CGRRF1: variants seen among roughly 807,000 people sequenced by gnomAD.
CGRRF1 encodes the protein cell growth regulator with RING finger domain protein 1.
A neutral mutation model predicts 37.2 loss-of-function variants in CGRRF1; 32 were observed. That is an observed-to-expected ratio of 0.86 (90% CI 0.65 to 1.16). CGRRF1 has a LOEUF of 1.16. Ranked by LOEUF, CGRRF1 falls within the 50% of genes most tolerant of loss-of-function variation. CGRRF1 has a pLI of 0.00. For synonymous variants in CGRRF1, 141 were observed against 140.3 expected (o/e 1.00, Z -0.04); for missense variants, 391 against 382.6 (o/e 1.02, Z -0.18).
intron 1 of CGRRF1, among the ~76,000 whole-genome samples, chr14:54,514,829 A>G (rs190640155): frequency 3.4e-4 from 52 of 152,334 alleles, no homozygotes; most frequent in Admixed American, 1.2e-3. Context: ...ATAATTTAAA[A>G]TAATTTCCCT....
intron 5 of CGRRF1, 77 bp from the exon 6 acceptor site, chr14:54,537,986 C>T: frequency 6.9e-7 from 1 of 1,455,118 alleles, no homozygotes; most frequent in Non-Finnish European, 9.1e-7. Context: ...AAATTTTAAG[C>T]CGCTTCTTAT....
Position 54,538,457 on chromosome 14 carries a change from A to G in CGRRF1, c.*74A>G. The G allele has an allele frequency of 9.2e-7, 1 of 1,084,964 alleles. No homozygotes were observed. Among genetic ancestry groups the G allele is most frequent in the Non-Finnish European group, 1.3e-6 (1 of 742,668 alleles). The allele number at this position is 1,084,964 out of a possible 1,614,324, so 67.2% of individuals were successfully genotyped here. On this transcript the variant is annotated 3_prime_UTR_variant, in exon 6 of 6. Coordinates refer to ENST00000216420, the MANE Select transcript of CGRRF1 (RefSeq NM_006568.3). ...TGATGATCTTGGAATTCATCATAAC[A>G]TGGAATCTACAGTACTGACCATCAA...
chr14:54,524,648 C>T (rs1432235369), intron 2 of CGRRF1, among the ~76,000 whole-genome samples: 2 of 152,088 alleles, frequency 1.3e-5, no homozygotes, highest in African/African-American at 4.8e-5. Context: ...CTGCCCCAGG[C>T]TCACAAAGTG....
Position 54,538,139 on chromosome 14 carries a change from G to A in CGRRF1, c.755G>A (p.Ser252Asn), listed in dbSNP as rs767898688. The A allele has an allele frequency of 6.2e-7, 1 of 1,614,092 alleles. No individual in the cohort carries two copies. The highest frequency in any genetic ancestry group is 8.5e-7 in the Non-Finnish European group (1 of 1,179,988). Residue 252 changes from serine (S) to asparagine (N), a missense_variant, in exon 6 of 6, where the codon AGT (serine) becomes AAT (asparagine). By Grantham distance (46) the Ser-to-Asn change is conservative. Transcript: ENST00000216420. ...TCAGAAGAAAAAAACACAGACAGAA[G>A]TTTGTTGGAAAAGGTGGGACTCTCT... ...SSSEEKNTDR[S>N]LLEKVGLSES...
At chr14:54,533,455 T>C (rs1268139608) in intron 4 of CGRRF1, among the ~76,000 whole-genome samples, 2 of 152,194 alleles carry the variant, frequency 1.3e-5, no homozygotes, top group African/African-American at 4.8e-5. Flanking sequence ...TGTTAATCCT[T>C]GCTTCTCGTC....
Position 54,538,269 on chromosome 14 carries a change from T to C in CGRRF1, c.885T>C (p.Cys295=). The change falls in exon 6 of 6, where the codon TGT becomes TGC. Residue 295 remains cysteine, a synonymous_variant. Transcript: ENST00000216420. ...VLLPCRHTCL[C]DGCVKYFQQC... is the part of the protein sequence containing the mutation. ...TACCATGCAGACACACATGCCTGTGTGATGGCTGTGTGAAGTATTTTCAGC... is the reference window on the plus strand; with the variant it reads ...TACCATGCAGACACACATGCCTGTGCGATGGCTGTGTGAAGTATTTTCAGC... 6.2e-7 allele frequency: 1 copy of C among 1,614,152 alleles called. No individual in the cohort carries two copies. The highest frequency in any genetic ancestry group is 8.5e-7 in the Non-Finnish European group (1 of 1,179,968).
chr14:54,535,281 A>G (rs977606232), intron 4 of CGRRF1, among the ~76,000 whole-genome samples: 5 of 151,420 alleles, frequency 3.3e-5, no homozygotes, highest in Admixed American at 1.3e-4. Flanking sequence ...TGTATTTGTC[A>G]TGGATCTTTA....
intron 3 of CGRRF1, chr14:54,530,458 A>G: frequency 1.1e-6 from 1 of 934,788 alleles, no homozygotes; most frequent in Admixed American, 2.6e-5. Flanking sequence ...CTTCTTATGG[A>G]TAAAGTGTTG....
chr14:54,509,937 G>C lies in CGRRF1; in HGVS notation c.-23G>C, dbSNP rs1272148908. 2.5e-5 allele frequency: 39 copies of C among 1,577,212 alleles called. No individual in the cohort carries two copies. The Admixed American group carries it at 5.7e-4, about 23-fold the overall frequency. On this transcript the variant is annotated 5_prime_UTR_variant, in exon 1 of 6. Transcript: ENST00000216420. ...GGCTGGGCTCCGCGGCTGGAGCCGG[G>C]CTCTACCCAGAGCAAGACCCTGATG...
intron 4 of CGRRF1, among the ~76,000 whole-genome samples, chr14:54,532,194 T>C (rs2032527448): frequency 6.6e-6 from 1 of 152,200 alleles, no homozygotes; most frequent in African/African-American, 2.4e-5. Context: ...AAGTGTACAT[T>C]GAGCTTTGGA....
At chr14:54,516,575 T>C (rs2032220721) in intron 1 of CGRRF1, among the ~76,000 whole-genome samples, 1 of 152,140 alleles carries the variant, frequency 6.6e-6, no homozygotes, top group Non-Finnish European at 1.5e-5. Flanking sequence ...ATATCTTCTT[T>C]CTTTTTCTTA....
Position 54,538,120 on chromosome 14 carries a change from G to GA in CGRRF1, c.743dup (p.Asn248LysfsTer14). 6 of 1,613,922 alleles carry GA rather than the reference G, an allele frequency of 3.7e-6. No homozygotes were observed. Among genetic ancestry groups the GA allele is most frequent in the East Asian group, 4.5e-5 (2 of 44,870 alleles). On this transcript the variant is annotated frameshift_variant, in exon 6 of 6. Coordinates refer to ENST00000216420, the MANE Select transcript of CGRRF1 (RefSeq NM_006568.3). LOFTEE classifies it high-confidence loss of function. ...TCCCTCCAACAATTCCTCTTCAGAA[G>GA]AAAAAAACACAGACAGAAGTTTGTT...
At chr14:54,522,245 C>T (rs2032328605) in intron 1 of CGRRF1, among the ~76,000 whole-genome samples, 1 of 152,102 alleles carries the variant, frequency 6.6e-6, no homozygotes, top group African/African-American at 2.4e-5. Flanking sequence ...CCCTCGTCCC[C>T]AAATATTTTT....
chr14:54,534,752 A>G (rs1242629095), intron 4 of CGRRF1, among the ~76,000 whole-genome samples: 3 of 152,230 alleles, frequency 2.0e-5, no homozygotes, highest in East Asian at 3.9e-4. Flanking sequence ...ATCTTGCTCT[A>G]TCACCAGGCT....
At chr14:54,513,895 C>T (rs2032174648) in intron 1 of CGRRF1, among the ~76,000 whole-genome samples, 1 of 152,080 alleles carries the variant, frequency 6.6e-6, no homozygotes, top group Admixed American at 6.6e-5. Context: ...TTGTCAGTGT[C>T]TCATTTAGAA....
At chr14:54,511,816 G>A (rs1331743381) in intron 1 of CGRRF1, among the ~76,000 whole-genome samples, 2 of 152,126 alleles carry the variant, frequency 1.3e-5, no homozygotes, top group Non-Finnish European at 1.5e-5. Context: ...ATTATAGAAC[G>A]TTTGGAAGTC....
intron 5 of CGRRF1, 39 bp from the exon 6 acceptor site, chr14:54,538,024 A>G: frequency 6.7e-7 from 1 of 1,487,628 alleles, no homozygotes; most frequent in South Asian, 1.3e-5. Context: ...AGTAATTGTT[A>G]TTTATAATAA....
chr14:54,530,052 G>T lies in CGRRF1; in HGVS notation c.248G>T (p.Gly83Val), dbSNP rs749191638. Residue 83 changes from glycine (G) to valine (V), a missense_variant, in exon 3 of 6, where the codon GGC becomes GTC. Coordinates refer to ENST00000216420, the MANE Select transcript of CGRRF1 (RefSeq NM_006568.3). ...TNPSSASITT[G>V]ITLTTDCLED... ...CTTTCTCCTTTGTTTTTTACAGCTG[G>T]CATAACCTTGACAACAGATTGCCTT... The T allele has an allele frequency of 1.2e-6, 2 of 1,604,948 alleles. No individual in the cohort carries two copies. Among genetic ancestry groups the T allele is most frequent in the East Asian group, 4.5e-5 (2 of 44,598 alleles).
chr14:54,530,273 T>C, intron 3 of CGRRF1, 47 bp downstream of exon 3: 2 of 1,470,488 alleles, frequency 1.4e-6, no homozygotes, highest in Non-Finnish European at 1.9e-6. Context: ...ATTAGACTTC[T>C]TATGGATAAA....
Sources: allele counts gnomAD v4.1 joint callset (sites outside exome capture counted in the v4.1 genomes callset), GRCh38; gene constraint gnomAD v4.1.1; transcripts MANE v1.5; gene names NCBI Gene and HGNC (gene_info 2026-07-23, HGNC 2026-07-21).